Variants in CMSS1 observed in about 807,000 individuals in gnomAD.
The protein encoded by CMSS1 is protein CMSS1.
CMSS1 carries 33 observed loss-of-function variants against 43.5 expected under a neutral mutation model. The observed-to-expected ratio is 0.76, with a 90% CI of 0.57 to 1.01. The LOEUF (loss-of-function observed/expected upper bound fraction) is 1.01. Among genes scored for constraint, CMSS1 ranks in the 50% least tolerant of loss-of-function variants. CMSS1 has a pLI of 0.00. For synonymous variants in CMSS1, 115 were observed against 117.2 expected, an observed-to-expected ratio of 0.98 and a Z score of 0.12; for missense variants, 313 against 326.4, an observed-to-expected ratio of 0.96 and a Z score of 0.32.
intron 1 of CMSS1, among the ~76,000 whole-genome samples, chr3:100,102,316 A>G (rs971972197): frequency 2.6e-5 from 4 of 151,694 alleles, no homozygotes; most frequent in Non-Finnish European, 5.9e-5. Context: ...CGCCATTCTA[A>G]CTGGTATGAG....
At chr3:100,110,069 T>C (rs1043877147) in intron 1 of CMSS1, 4 of 151,894 alleles carry the variant, frequency 2.6e-5, no homozygotes, top group Admixed American at 6.6e-5. Flanking sequence ...AAGTCACTAA[T>C]ACACCCCTGG....
intron 1 of CMSS1, among the ~76,000 whole-genome samples, chr3:100,145,965 G>A (rs2066846182): frequency 6.6e-6 from 1 of 152,224 alleles, no homozygotes; most frequent in Admixed American, 6.5e-5. Flanking sequence ...ATCACAGTAT[G>A]CAAACATTTA....
chr3:99,960,044 G>A (rs1321091722), intron 1 of CMSS1, among the ~76,000 whole-genome samples: 5 of 152,122 alleles, frequency 3.3e-5, no homozygotes, highest in East Asian at 1.9e-4. Context: ...TTTATAAATT[G>A]TCTAAAGTGT....
intron 1 of CMSS1, among the ~76,000 whole-genome samples, chr3:100,031,822 A>G (rs1385434998): frequency 2.0e-5 from 3 of 152,232 alleles, no homozygotes; most frequent in Non-Finnish European, 4.4e-5. Flanking sequence ...AAGCAAAAAT[A>G]GGAAATATTT....
intron 1 of CMSS1, among the ~76,000 whole-genome samples, chr3:99,887,267 C>CA (rs879818314): frequency 8.4e-4 from 115 of 136,494 alleles, no homozygotes; most frequent in East Asian, 2.3e-3. Context: ...AACTCCATCT[C>CA]AAAAAAAAAA....
chr3:100,170,196 T>G (rs2067098612), intron 6 of CMSS1, among the ~76,000 whole-genome samples: 1 of 152,228 alleles, frequency 6.6e-6, no homozygotes, highest in Non-Finnish European at 1.5e-5. Context: ...GCAACAGAAC[T>G]TGTATAGCAT....
At chr3:100,070,607 A>G (rs929094679) in intron 1 of CMSS1, among the ~76,000 whole-genome samples, 1 of 152,112 alleles carries the variant, frequency 6.6e-6, no homozygotes, top group Non-Finnish European at 1.5e-5. Context: ...AAGACTTCAT[A>G]TCATCGTGGG....
At chr3:99,844,567 C>T (rs1182888040) in intron 1 of CMSS1, among the ~76,000 whole-genome samples, 4 of 152,264 alleles carry the variant, frequency 2.6e-5, no homozygotes, top group African/African-American at 7.2e-5. Context: ...GCTACTAAAA[C>T]GTTTTTATTG....
intron 1 of CMSS1, among the ~76,000 whole-genome samples, chr3:99,916,285 AT>A (rs1706946917): frequency 6.6e-6 from 1 of 151,310 alleles, no homozygotes; most frequent in Non-Finnish European, 1.5e-5. Context: ...AGGGCTTTAG[AT>A]TGGGAATAGA....
chr3:100,074,883 A>G (rs1192118555), intron 1 of CMSS1, among the ~76,000 whole-genome samples: 2 of 151,448 alleles, frequency 1.3e-5, no homozygotes. Context: ...TAATAGAGAC[A>G]GGGTTTCGCC....
chr3:99,914,854 C>G (rs1346457879), intron 1 of CMSS1, among the ~76,000 whole-genome samples: 2 of 152,100 alleles, frequency 1.3e-5, no homozygotes, highest in African/African-American at 4.8e-5. Flanking sequence ...TGTGATGCAC[C>G]TGTGTGATAC....
chr3:99,835,993 G>C (rs1260899181), intron 1 of CMSS1, among the ~76,000 whole-genome samples: 1 of 152,152 alleles, frequency 6.6e-6, no homozygotes, highest in Non-Finnish European at 1.5e-5. Context: ...GTGAAGATGT[G>C]AGGGTATGTC....
chr3:99,933,056 A>G (rs1249340522), intron 1 of CMSS1, among the ~76,000 whole-genome samples: 1 of 152,216 alleles, frequency 6.6e-6, no homozygotes, highest in African/African-American at 2.4e-5. Context: ...TCCATTTTAC[A>G]GTGAACAAAT....
At chr3:100,072,353 C>T (rs1464491002) in intron 1 of CMSS1, among the ~76,000 whole-genome samples, 1 of 152,204 alleles carries the variant, frequency 6.6e-6, no homozygotes, top group Non-Finnish European at 1.5e-5. Context: ...TGGGCTCAAA[C>T]TTGAACATGG....
intron 1 of CMSS1, among the ~76,000 whole-genome samples, chr3:100,090,779 T>C (rs2066090132): frequency 6.6e-6 from 1 of 152,168 alleles, no homozygotes; most frequent in South Asian, 2.1e-4. Context: ...TCCTAGGAGC[T>C]CTCTGCAGGT....
At chr3:100,160,567 T>C (rs1173521118) in intron 3 of CMSS1, 66 bp downstream of exon 3, 5 of 787,108 alleles carry the variant, frequency 6.4e-6, no homozygotes, top group Non-Finnish European at 1.1e-5. Context: ...TTATATATCA[T>C]ACTTTCTTGA....
chr3:99,988,724 A>C (rs142129904), intron 1 of CMSS1, among the ~76,000 whole-genome samples: 1 of 152,328 alleles, frequency 6.6e-6, no homozygotes, highest in African/African-American at 2.4e-5. Context: ...AAACATAAAA[A>C]AAGCATTGTC....
intron 4 of CMSS1, among the ~76,000 whole-genome samples, chr3:100,163,271 T>C (rs1450715472): frequency 6.6e-6 from 1 of 152,236 alleles, no homozygotes; most frequent in Non-Finnish European, 1.5e-5. Flanking sequence ...AGACAAGAAC[T>C]TTAGCCTTAA....
At chr3:100,102,134 C>G (rs989529373) in intron 1 of CMSS1, among the ~76,000 whole-genome samples, 5 of 152,038 alleles carry the variant, frequency 3.3e-5, no homozygotes, top group African/African-American at 1.2e-4. Flanking sequence ...GGGTATATAC[C>G]CAGTAATGGG....
Sources: gnomAD v4.1 joint callset for allele counts (sites outside exome capture counted in the v4.1 genomes callset) on GRCh38, gnomAD v4.1.1 for gene constraint, MANE v1.5 for transcripts, NCBI Gene and HGNC (gene_info 2026-07-23, HGNC 2026-07-21) for gene names.